The following SLAIN1 variants were observed in gnomAD, a reference collection of about 807,000 sequenced individuals.
The protein encoded by SLAIN1 is SLAIN family member 1.
Under a neutral mutation model 55.4 loss-of-function variants are expected in SLAIN1, and 17 were observed. That is an observed-to-expected ratio of 0.31 (90% CI 0.21 to 0.46). The LOEUF (loss-of-function observed/expected upper bound fraction) is 0.46, where lower values mean the gene tolerates loss of function less well. Ranked by LOEUF, SLAIN1 falls within the 20% of genes least tolerant of loss-of-function variation. The pLI, the probability that SLAIN1 is intolerant of heterozygous loss-of-function variation, is 1.00. For missense variants in SLAIN1, 682 were observed against 785.1 expected (o/e 0.87, Z 1.57); for synonymous variants, 348 against 337.4 (o/e 1.03, Z -0.35).
intron 1 of SLAIN1, among the ~76,000 whole-genome samples, chr13:77,706,157 A>G (rs2091087956): frequency 6.6e-6 from 1 of 152,054 alleles, no homozygotes; most frequent in Non-Finnish European, 1.5e-5. Context: ...TTATACTTTT[A>G]TGATCTTAGA....
At chr13:77,730,142 A>T (rs914336206) in intron 2 of SLAIN1, among the ~76,000 whole-genome samples, 2 of 152,056 alleles carry the variant, frequency 1.3e-5, no homozygotes, top group African/African-American at 4.8e-5. Flanking sequence ...GAGGGAAATG[A>T]CTCTAAATGA....
chr13:77,709,164 A>G (rs772302626), intron 1 of SLAIN1, among the ~76,000 whole-genome samples: 7 of 151,916 alleles, frequency 4.6e-5, no homozygotes, highest in African/African-American at 7.3e-5. Context: ...AAGGTATATC[A>G]GAGATTGAAG....
At chr13:77,741,531 T>C in intron 2 of SLAIN1, 1 of 643,302 alleles carries the variant, frequency 1.6e-6, no homozygotes, top group Non-Finnish European at 1.9e-6. Context: ...ATTCTGAAAG[T>C]GTTGTCATTG....
At chr13:77,741,745 G>GTT (rs5804929) in intron 2 of SLAIN1, 2,303 of 143,850 alleles carry the variant, frequency 0.016, 40 homozygotes, top group East Asian at 0.027. Context: ...ACATCCCACA[G>GTT]TTTTTTTTTT....
chr13:77,737,458 T>C (rs887708328), intron 2 of SLAIN1, among the ~76,000 whole-genome samples: 1 of 152,116 alleles, frequency 6.6e-6, no homozygotes, highest in African/African-American at 2.4e-5. Context: ...CACTAACTGT[T>C]CATTAAAGTA....
intron 1 of SLAIN1, among the ~76,000 whole-genome samples, chr13:77,716,714 A>G (rs952668158): frequency 1.3e-5 from 2 of 152,160 alleles, no homozygotes; most frequent in African/African-American, 4.8e-5. Context: ...ACTTTCCTAC[A>G]TCAATCTGGT....
intron 4 of SLAIN1, 99 bp downstream of exon 4, chr13:77,746,954 T>G (rs1406215884): frequency 9.5e-7 from 1 of 1,049,608 alleles, no homozygotes; most frequent in Non-Finnish European, 1.4e-6. Flanking sequence ...TGAGACAGAA[T>G]CTGTCTCTGT....
intron 2 of SLAIN1, among the ~76,000 whole-genome samples, chr13:77,731,510 T>C (rs150719731): frequency 3.7e-4 from 57 of 152,218 alleles, no homozygotes; most frequent in Middle Eastern, 3.4e-3. Flanking sequence ...AAAGATCACA[T>C]GAGATCTAGA....
At chr13:77,715,450 A>G (rs1465415655) in intron 1 of SLAIN1, among the ~76,000 whole-genome samples, 2 of 152,206 alleles carry the variant, frequency 1.3e-5, no homozygotes, top group Admixed American at 1.3e-4. Flanking sequence ...TTGGGTAAAT[A>G]CTTCTGACTT....
chr13:77,698,735 A>C lies in SLAIN1; in HGVS notation c.626+196A>C. ...CGATGAGGCTTCTCATGAAGGCAGA[A>C]ACCTGTTTTCTAATCGCTCCGACTG... is the stretch of plus-strand genomic sequence containing the variant. On this transcript the variant is annotated intron_variant, in intron 1 of 6. Transcript: ENST00000418532. This position sits in a 1 kb window ranked among gnomAD's most constrained non-coding sequence, Gnocchi z 4.1. 2 of 1,095,488 alleles carry C rather than the reference A, an allele frequency of 1.8e-6. No individual in the cohort carries two copies. Among genetic ancestry groups the C allele is most frequent in the Non-Finnish European group, 2.5e-6 (2 of 809,424 alleles). 67.9% of individuals were successfully genotyped at this position (1,095,488 alleles called of 1,614,324 possible).
At chr13:77,741,771 T>C (rs963460044) in intron 2 of SLAIN1, among the ~76,000 whole-genome samples, 2 of 146,152 alleles carry the variant, frequency 1.4e-5, no homozygotes, top group African/African-American at 2.5e-5. Flanking sequence ...TCCATCCCAC[T>C]GCCCATTTTA....
chr13:77,736,322 C>T (rs1024237256), intron 2 of SLAIN1, among the ~76,000 whole-genome samples: 1 of 152,036 alleles, frequency 6.6e-6, no homozygotes, highest in African/African-American at 2.4e-5. Context: ...TCTTTACCTC[C>T]CTGTTTCAGA....
intron 1 of SLAIN1, among the ~76,000 whole-genome samples, chr13:77,712,233 A>G (rs2091158908): frequency 6.6e-6 from 1 of 152,178 alleles, no homozygotes; most frequent in South Asian, 2.1e-4. Context: ...ATCAGACAAG[A>G]GAAAGAAAGA....
rs780739961 is a variant in SLAIN1, at chr13:77,732,633, A to T, written c.767-11650A>T. 2.6e-3 allele frequency among the ~76,000 whole-genome samples: 394 copies of T among 152,192 alleles called. 1 individual carries two copies. The highest frequency in any genetic ancestry group is 4.2e-3 in the Non-Finnish European group (287 of 67,968). Reference sequence around the variant, plus strand: ...AGGGAAAATGGCTTCTATAAAAGGGAATTTTTAAACATGCCTTTGAAGTGT... The same window carrying T: ...AGGGAAAATGGCTTCTATAAAAGGGTATTTTTAAACATGCCTTTGAAGTGT... On this transcript the variant is annotated intron_variant, in intron 2 of 6. Coordinates refer to ENST00000418532, the MANE Select transcript of SLAIN1 (RefSeq NM_001242868.2).
chr13:77,743,045 A>G (rs950994974), intron 2 of SLAIN1: 18 of 1,297,866 alleles, frequency 1.4e-5, no homozygotes, highest in Non-Finnish European at 1.7e-5. Flanking sequence ...CTTCTCTTCA[A>G]CTGCCTCACT....
chr13:77,751,957 C>T (rs1469243484), intron 4 of SLAIN1, among the ~76,000 whole-genome samples: 3 of 151,812 alleles, frequency 2.0e-5, no homozygotes, highest in Non-Finnish European at 4.4e-5. Context: ...AAAAGTGTCT[C>T]ATAGAGTTGT....
At chr13:77,741,787 C>T (rs971866069) in intron 2 of SLAIN1, among the ~76,000 whole-genome samples, 3 of 148,366 alleles carry the variant, frequency 2.0e-5, no homozygotes. Flanking sequence ...TTTTAAAGCA[C>T]TTTTCAGCTG....
At chr13:77,713,987 A>G (rs1467878498) in intron 1 of SLAIN1, among the ~76,000 whole-genome samples, 2 of 151,758 alleles carry the variant, frequency 1.3e-5, no homozygotes, top group Non-Finnish European at 2.9e-5. Context: ...ACACATGGAC[A>G]CAGGGAGTGG....
chr13:77,698,745 C>G lies in SLAIN1; in HGVS notation c.626+206C>G, dbSNP rs1352175790. 4 of 1,123,108 alleles carry G rather than the reference C, an allele frequency of 3.6e-6. No individual in the cohort carries two copies. In the African/African-American group the frequency reaches 4.7e-5, roughly 13 times the overall value. The allele number at this position is 1,123,108 out of a possible 1,614,324, so 69.6% of individuals were successfully genotyped here. A position where few individuals can be genotyped will look rare whatever the true frequency, so the allele number is the denominator to read the frequency against. ...TCTCATGAAGGCAGAAACCTGTTTT[C>G]TAATCGCTCCGACTGCGGATGAACC... On this transcript the variant is annotated intron_variant, in intron 1 of 6. Coordinates refer to ENST00000418532, the MANE Select transcript of SLAIN1 (RefSeq NM_001242868.2). This position sits in a 1 kb window ranked among gnomAD's most constrained non-coding sequence, Gnocchi z 4.1.
Sources: gnomAD v4.1 joint callset for allele counts (sites outside exome capture counted in the v4.1 genomes callset) on GRCh38, gnomAD v4.1.1 for gene constraint, Gnocchi (gnomAD v3.1) non-coding constraint, MANE v1.5 for transcripts, NCBI Gene and HGNC (gene_info 2026-07-23, HGNC 2026-07-21) for gene names.